Variants in POU6F2 observed in about 807,000 individuals in gnomAD.
POU6F2 encodes the protein POU class 6 homeobox 2.
Under a neutral mutation model 71.3 loss-of-function variants are expected in POU6F2, and 31 were observed. That is an observed-to-expected ratio of 0.43 (90% confidence interval 0.33 to 0.59). The LOEUF is 0.59. Among genes scored for constraint, POU6F2 ranks in the 20% least tolerant of loss-of-function variants. POU6F2 has a pLI of 0.04. For missense variants in POU6F2, 783 were observed against 856.8 expected, an observed-to-expected ratio of 0.91 and a Z score of 1.07; for synonymous variants, 347 against 355.7, an observed-to-expected ratio of 0.98 and a Z score of 0.27.
chr7:39,266,695 C>T (rs1201351074), intron 4 of POU6F2, among the ~76,000 whole-genome samples: 86 of 105,088 alleles, frequency 8.2e-4, no homozygotes, highest in South Asian at 1.4e-3. Flanking sequence ...CGCACCTGGC[C>T]TTTTTTTTTT....
rs992749015 is a variant in POU6F2 at position 39,097,995 on chromosome 7, C to T, written c.277+11964C>T. 1.1e-4 allele frequency among the ~76,000 whole-genome samples: 17 copies of T among 152,214 alleles called. No homozygotes were observed. The East Asian group carries it at 1.5e-3, about 14-fold the overall frequency. On this transcript the variant is annotated intron_variant, in intron 2 of 9. Coordinates refer to ENST00000518318, the MANE Select transcript of POU6F2 (RefSeq NM_001370959.1). Reference sequence around the variant, plus strand: ...TAGGGAAGAAGAAAGGAGTATTAAGCGGTTTGTGACAAATGACATTAGCAA... The same window carrying T: ...TAGGGAAGAAGAAAGGAGTATTAAGTGGTTTGTGACAAATGACATTAGCAA...
At chr7:39,327,347 G>A (rs4723859) in intron 4 of POU6F2, among the ~76,000 whole-genome samples, 24,867 of 151,350 alleles carry the variant, frequency 0.16, 2,165 homozygotes, top group Admixed American at 0.21. Flanking sequence ...TAACACCTTC[G>A]TATTTTTTAT....
chr7:39,347,017 C>G (rs1237082128), intron 5 of POU6F2, among the ~76,000 whole-genome samples: 1 of 152,118 alleles, frequency 6.6e-6, no homozygotes, highest in African/African-American at 2.4e-5. Flanking sequence ...AGCAGATGGG[C>G]CTGGGTTTGA....
intron 1 of POU6F2, chr7:38,984,734 C>A (rs995775552): frequency 6.6e-6 from 1 of 152,062 alleles, no homozygotes; most frequent in East Asian, 1.9e-4. Context: ...CTTATTATTT[C>A]TGGAGTTTAA....
chr7:39,331,612 A>G (rs565196608), intron 4 of POU6F2, among the ~76,000 whole-genome samples: 4 of 152,070 alleles, frequency 2.6e-5, no homozygotes, highest in Non-Finnish European at 5.9e-5. Context: ...GGTCCAAGCG[A>G]TTCTCCTGCC....
intron 6 of POU6F2, among the ~76,000 whole-genome samples, chr7:39,426,170 G>A (rs1787966618): frequency 3.9e-5 from 6 of 152,192 alleles, no homozygotes; most frequent in Admixed American, 3.9e-4. Flanking sequence ...CGACCAGTCA[G>A]GTTGAGGTGA....
chr7:39,343,767 C>T (rs1785972600), intron 5 of POU6F2, among the ~76,000 whole-genome samples: 1 of 152,136 alleles, frequency 6.6e-6, no homozygotes, highest in African/African-American at 2.4e-5. Context: ...CTTCATTTCC[C>T]TCATCCGTGT....
At chr7:39,106,820 G>A (rs1413226248) in intron 2 of POU6F2, among the ~76,000 whole-genome samples, 2 of 152,094 alleles carry the variant, frequency 1.3e-5, no homozygotes, top group Non-Finnish European at 2.9e-5. Context: ...GAGACTGTCC[G>A]TTTTTTGATT....
At chr7:39,100,266 A>T (rs1219365752) in intron 2 of POU6F2, among the ~76,000 whole-genome samples, 1 of 152,246 alleles carries the variant, frequency 6.6e-6, no homozygotes. Flanking sequence ...TATCAGTGCC[A>T]CACTTCCAAG....
chr7:39,358,843 C>T (rs73386427), intron 5 of POU6F2, among the ~76,000 whole-genome samples: 1,356 of 85,404 alleles, frequency 0.016, 14 homozygotes, highest in African/African-American at 0.055. Flanking sequence ...GAGAATAGGA[C>T]AAAAGAAAGT....
In POU6F2 at chr7:39,465,651, A is replaced by T. The variant is rs2116186154; in HGVS notation, c.*965A>T. On this transcript the variant is annotated 3_prime_UTR_variant, in exon 10 of 10. Transcript: ENST00000518318. ...GAGAAGCAGTGTCTTTTCCACTCAGATCCTAGTGAAATGCAGGAGAGACTC... is the reference window on the plus strand; with the variant it reads ...GAGAAGCAGTGTCTTTTCCACTCAGTTCCTAGTGAAATGCAGGAGAGACTC... 1 of 152,280 alleles carries T rather than the reference A, an allele frequency of 6.6e-6. No individual in the cohort carries two copies. Among genetic ancestry groups the T allele is most frequent in the East Asian group, 1.9e-4 (1 of 5,176 alleles). The allele number at this position is 152,280 out of a possible 1,614,324, so 9.4% of individuals were successfully genotyped here.
At chr7:39,268,757 GAATT>G (rs1784293944) in intron 4 of POU6F2, among the ~76,000 whole-genome samples, 1 of 152,154 alleles carries the variant, frequency 6.6e-6, no homozygotes, top group African/African-American at 2.4e-5. Context: ...TTTTTATACA[GAATT>G]AATACACATT....
At chr7:39,309,039 G>A (rs1322300501) in intron 4 of POU6F2, among the ~76,000 whole-genome samples, 1 of 152,206 alleles carries the variant, frequency 6.6e-6, no homozygotes, top group Non-Finnish European at 1.5e-5. Context: ...GCTCGCAAGC[G>A]GCCATTCAAA....
intron 1 of POU6F2, among the ~76,000 whole-genome samples, chr7:38,986,749 G>A (rs542031598): frequency 1.2e-3 from 179 of 152,216 alleles, no homozygotes; most frequent in Non-Finnish European, 1.8e-3. Flanking sequence ...AAAGTATCCT[G>A]ATTCCACTCG....
At chr7:39,240,465 AT>A (rs1385029611) in intron 4 of POU6F2, among the ~76,000 whole-genome samples, 4 of 152,102 alleles carry the variant, frequency 2.6e-5, no homozygotes, top group African/African-American at 9.7e-5. Context: ...TGGAAAGTTG[AT>A]TTCTAATATG....
At chr7:39,122,364 C>G (rs757667181) in intron 2 of POU6F2, among the ~76,000 whole-genome samples, 6 of 152,206 alleles carry the variant, frequency 3.9e-5, no homozygotes, top group Non-Finnish European at 8.8e-5. Context: ...CTTCACCACT[C>G]TCTGTGAAAC....
At chr7:39,279,548 G>A (rs1317533154) in intron 4 of POU6F2, among the ~76,000 whole-genome samples, 1 of 152,140 alleles carries the variant, frequency 6.6e-6, no homozygotes, top group African/African-American at 2.4e-5. Context: ...CTGGAAGGTT[G>A]AAGTCTGAAA....
chr7:39,104,149 T>G (rs1791629575), intron 2 of POU6F2, among the ~76,000 whole-genome samples: 1 of 152,252 alleles, frequency 6.6e-6, no homozygotes, highest in Admixed American at 6.5e-5. Context: ...TATGCTCCTC[T>G]GCTAATGTGT....
intron 6 of POU6F2, among the ~76,000 whole-genome samples, chr7:39,407,080 C>CT (rs1388408624): frequency 6.6e-6 from 1 of 151,814 alleles, no homozygotes; most frequent in African/African-American, 2.4e-5. Flanking sequence ...GTCAGTTTTG[C>CT]TTTTTTTTAC....
Sources: allele counts gnomAD v4.1 joint callset (sites outside exome capture counted in the v4.1 genomes callset), GRCh38; gene constraint gnomAD v4.1.1; transcripts MANE v1.5; gene names NCBI Gene and HGNC (gene_info 2026-07-23, HGNC 2026-07-21).